MYO16: variants seen among roughly 807,000 people sequenced by gnomAD.
MYO16 encodes myosin XVI.
In MYO16, 94 loss-of-function variants were observed where a neutral mutation model predicts 205.3. That is an observed-to-expected ratio of 0.46 (90% confidence interval 0.39 to 0.54). The LOEUF (loss-of-function observed/expected upper bound fraction) is 0.54. Ranked by LOEUF, MYO16 falls within the 20% of genes least tolerant of loss-of-function variation. The pLI is 0.00. For synonymous variants in MYO16, 988 were observed against 954.0 expected (o/e 1.04, Z -0.66); for missense variants, 2,315 against 2,387.5 (o/e 0.97, Z 0.63).
intron 7 of MYO16, among the ~76,000 whole-genome samples, chr13:108,808,194 A>G (rs577293588): frequency 6.6e-6 from 1 of 152,280 alleles, no homozygotes; most frequent in South Asian, 2.1e-4. Flanking sequence ...ATGCATAGAC[A>G]CAAAAAGTAT....
intron 3 of MYO16, among the ~76,000 whole-genome samples, chr13:108,713,555 C>T (rs1883804921): frequency 6.6e-6 from 1 of 152,138 alleles, no homozygotes; most frequent in Non-Finnish European, 1.5e-5. Flanking sequence ...CTGAGTTGAG[C>T]CCACAAAGAT....
intron 9 of MYO16, among the ~76,000 whole-genome samples, chr13:108,830,189 G>A (rs950829833): frequency 8.5e-6 from 1 of 117,398 alleles, no homozygotes; most frequent in African/African-American, 3.0e-5. Flanking sequence ...AACCATTGTG[G>A]AAGTCAGTGT....
intron 6 of MYO16, among the ~76,000 whole-genome samples, chr13:108,804,777 C>T (rs1887064639): frequency 1.3e-5 from 2 of 152,152 alleles, no homozygotes; most frequent in African/African-American, 2.4e-5. Context: ...TTGCCAGCCT[C>T]CACAAAGGTC....
intron 23 of MYO16, among the ~76,000 whole-genome samples, chr13:109,023,599 AT>A (rs1886207536): frequency 7.9e-6 from 1 of 126,352 alleles, no homozygotes; most frequent in Non-Finnish European, 1.6e-5. Flanking sequence ...ACAAATATAA[AT>A]GTACATATTT....
chr13:108,790,859 T>A (rs1489263803), intron 5 of MYO16, among the ~76,000 whole-genome samples: 70 of 152,220 alleles, frequency 4.6e-4, no homozygotes, highest in Non-Finnish European at 1.5e-5. Context: ...GTGAGTGATG[T>A]CTTATCTCTG....
chr13:108,572,883 A>T, the MYO16 span, among the ~76,000 whole-genome samples: 1 of 152,174 alleles, frequency 6.6e-6, no homozygotes, highest in East Asian at 1.9e-4. Context: ...CTGTCCAACC[A>T]CAACAAGTGC....
In MYO16 at chr13:109,065,551, T is replaced by C. The variant is rs746077843; in HGVS notation, c.3335+9956T>C. The C allele has an allele frequency of 1.1e-5, 5 of 465,338 alleles. No homozygotes were observed. In the Admixed American group the frequency reaches 1.3e-4, roughly 12 times the overall value. 28.8% of individuals were successfully genotyped at this position (465,338 alleles called of 1,614,324 possible). On this transcript the variant is annotated intron_variant, in intron 27 of 34. Transcript: ENST00000457511. ...GAAAAAAAAAAAAAGAAAAAGAAAA[T>C]TTAAAAAACTGCTTTGAAAAGTCCC... is the stretch of plus-strand genomic sequence containing the variant.
chr13:108,674,848 G>A (rs575205158), intron 2 of MYO16, among the ~76,000 whole-genome samples: 53 of 152,254 alleles, frequency 3.5e-4, no homozygotes, highest in African/African-American at 1.2e-3. Context: ...ACTTCGGATT[G>A]TAGAGCAAAT....
At chr13:109,189,498 A>G (rs907787822) in intron 34 of MYO16, among the ~76,000 whole-genome samples, 2 of 152,296 alleles carry the variant, frequency 1.3e-5, no homozygotes, top group African/African-American at 2.4e-5. Flanking sequence ...TACATTACCT[A>G]TTGGTAAATT....
At chr13:108,575,342 A>G in the MYO16 span, among the ~76,000 whole-genome samples, 3 of 152,162 alleles carry the variant, frequency 2.0e-5, no homozygotes, top group East Asian at 5.8e-4. Flanking sequence ...ACGACATCAT[A>G]CATCCTTTGC....
intron 2 of MYO16, among the ~76,000 whole-genome samples, chr13:108,706,737 A>G (rs1479637533): frequency 1.8e-4 from 27 of 152,240 alleles, no homozygotes; most frequent in Admixed American, 1.8e-3. Flanking sequence ...AATCTGGGTC[A>G]ACCTGGCCAC....
chr13:109,033,215 G>A (rs540009700), intron 23 of MYO16, among the ~76,000 whole-genome samples: 26 of 152,132 alleles, frequency 1.7e-4, no homozygotes, highest in Admixed American at 3.9e-4. Flanking sequence ...GTTTCCTCTC[G>A]TCTCTCTGTT....
chr13:108,885,962 C>A (rs1271939402), intron 13 of MYO16, among the ~76,000 whole-genome samples: 1 of 151,990 alleles, frequency 6.6e-6, no homozygotes, highest in Non-Finnish European at 1.5e-5. Context: ...AGTATATATT[C>A]TGCAGAACTA....
At position 108,854,138 on chromosome 13, in the gene MYO16, C is replaced by A. The variant is rs141175288; in HGVS notation, c.1249-1305C>A. Among the ~76,000 whole-genome samples the A allele has an allele frequency of 3.4e-3, 517 of 152,074 alleles. 1 individual carries two copies. Among genetic ancestry groups the A allele is most frequent in the African/African-American group, 1.0e-2 (413 of 41,492 alleles). ...CTTCCTGAGTAGCTGAGATTACAGG[C>A]ATGTGCCACCATGCCCGGCTAATTT... On this transcript the variant is annotated intron_variant, in intron 10 of 34. Coordinates refer to ENST00000457511, the MANE Select transcript of MYO16 (RefSeq NM_001198950.3).
intron 9 of MYO16, 148 bp downstream of exon 9, chr13:108,823,426 G>T (rs955998851): frequency 4.9e-6 from 3 of 610,256 alleles, no homozygotes; most frequent in Non-Finnish European, 7.6e-6. Context: ...TGTTTACAGT[G>T]ATGAGTTAAA....
the MYO16 span, among the ~76,000 whole-genome samples, chr13:108,518,440 T>C: frequency 5.3e-5 from 8 of 152,296 alleles, no homozygotes; most frequent in East Asian, 1.9e-4. Flanking sequence ...CTGAGTTTAG[T>C]TGATGATTTT....
chr13:109,102,543 G>A (rs886887612), intron 28 of MYO16, among the ~76,000 whole-genome samples: 1 of 151,990 alleles, frequency 6.6e-6, no homozygotes, highest in East Asian at 1.9e-4. Context: ...ATAGATGTAT[G>A]TGTATGAGGG....
chr13:108,733,182 A>G (rs757447907), intron 4 of MYO16, among the ~76,000 whole-genome samples: 1 of 152,210 alleles, frequency 6.6e-6, no homozygotes, highest in Non-Finnish European at 1.5e-5. Context: ...CAGCACTGGA[A>G]CAGTGCTACT....
intron 2 of MYO16, among the ~76,000 whole-genome samples, chr13:108,668,469 G>A (rs557662390): frequency 1.4e-3 from 209 of 152,304 alleles, no homozygotes; most frequent in Non-Finnish European, 2.5e-3. Flanking sequence ...GACAAACAGC[G>A]TAAGTATTAC....
Sources: allele counts gnomAD v4.1 joint callset (sites outside exome capture counted in the v4.1 genomes callset), GRCh38; gene constraint gnomAD v4.1.1; transcripts MANE v1.5; gene names NCBI Gene and HGNC (gene_info 2026-07-23, HGNC 2026-07-21).